SGCZ: variants seen among roughly 807,000 people sequenced by gnomAD.
The protein encoded by SGCZ is zeta-sarcoglycan.
SGCZ carries 40 observed loss-of-function variants against 41.3 expected under a neutral mutation model. The ratio of observed to expected loss-of-function variants is 0.97; its 90% CI spans 0.75 to 1.26. The LOEUF is 1.26. Ranked by LOEUF, SGCZ falls within the 50% of genes most tolerant of loss-of-function variation. SGCZ has a pLI of 0.00. For missense variants in SGCZ, 552 were observed against 369.8 expected, an observed-to-expected ratio of 1.49 and a Z score of -4.04; for synonymous variants, 206 against 137.5, an observed-to-expected ratio of 1.50 and a Z score of -3.49.
intron 1 of SGCZ, among the ~76,000 whole-genome samples, chr8:14,842,326 T>G (rs981646427): frequency 1.3e-5 from 2 of 148,578 alleles, no homozygotes; most frequent in African/African-American, 2.5e-5. Context: ...CAAGCAAATG[T>G]CATAGGCAGG....
chr8:15,006,844 G>T (rs1430681480), intron 1 of SGCZ, among the ~76,000 whole-genome samples: 1 of 152,118 alleles, frequency 6.6e-6, no homozygotes, highest in Non-Finnish European at 1.5e-5. Context: ...ATACTATCAG[G>T]GGATTTTAAA....
intron 5 of SGCZ, among the ~76,000 whole-genome samples, chr8:14,115,320 C>A (rs1802490172): frequency 6.6e-6 from 1 of 151,832 alleles, no homozygotes; most frequent in Non-Finnish European, 1.5e-5. Context: ...TAAAAGGCAG[C>A]AATATTTGAT....
At chr8:14,793,493 G>A (rs537579614) in intron 1 of SGCZ, among the ~76,000 whole-genome samples, 7 of 152,254 alleles carry the variant, frequency 4.6e-5, no homozygotes, top group African/African-American at 1.4e-4. Context: ...AAAATGAGAG[G>A]AGACATAGCA....
intron 2 of SGCZ, among the ~76,000 whole-genome samples, chr8:14,347,597 A>G (rs1391317001): frequency 6.7e-6 from 1 of 149,686 alleles, no homozygotes; most frequent in African/African-American, 2.5e-5. Flanking sequence ...ATCTACATAT[A>G]CTTTATAAAA....
intron 1 of SGCZ, among the ~76,000 whole-genome samples, chr8:14,634,810 A>C (rs1806774961): frequency 6.6e-6 from 1 of 151,924 alleles, no homozygotes; most frequent in Admixed American, 6.6e-5. Context: ...TTTCCAGATA[A>C]TTCAGAAAGG....
intron 3 of SGCZ, among the ~76,000 whole-genome samples, chr8:14,297,938 A>G (rs1347024064): frequency 6.6e-6 from 1 of 152,100 alleles, no homozygotes; most frequent in East Asian, 1.9e-4. Flanking sequence ...AAGTCTTACA[A>G]TAAAATGAAG....
intron 1 of SGCZ, among the ~76,000 whole-genome samples, chr8:15,078,878 A>G (rs1805642243): frequency 6.6e-6 from 1 of 152,002 alleles, no homozygotes; most frequent in South Asian, 2.1e-4. Context: ...CTTTCTCTTC[A>G]GTTTCTCTAC....
intron 3 of SGCZ, among the ~76,000 whole-genome samples, chr8:14,314,619 G>C (rs971190899): frequency 8.5e-5 from 13 of 152,064 alleles, no homozygotes; most frequent in Non-Finnish European, 1.6e-4. Flanking sequence ...ATGTTAAAAA[G>C]AATTTGAACT....
intron 3 of SGCZ, among the ~76,000 whole-genome samples, chr8:14,279,606 C>T (rs1000589168): frequency 2.4e-4 from 37 of 152,066 alleles, no homozygotes; most frequent in African/African-American, 7.7e-4. Flanking sequence ...ACCAAGAATC[C>T]ATGACTGTAA....
chr8:14,560,318 C>A (rs1563411256), intron 1 of SGCZ, among the ~76,000 whole-genome samples: 1 of 138,376 alleles, frequency 7.2e-6, no homozygotes, highest in Non-Finnish European at 1.6e-5. Flanking sequence ...ACTACATCTA[C>A]CCCAAAATAT....
intron 1 of SGCZ, among the ~76,000 whole-genome samples, chr8:15,128,144 G>A (rs1240200541): frequency 6.6e-6 from 1 of 152,000 alleles, no homozygotes; most frequent in African/African-American, 2.4e-5. Flanking sequence ...TTCCACAAGA[G>A]CTGGACCACA....
At chr8:15,107,131 G>A (rs1806859249) in intron 1 of SGCZ, among the ~76,000 whole-genome samples, 3 of 151,964 alleles carry the variant, frequency 2.0e-5, no homozygotes, top group Middle Eastern at 3.4e-3. Context: ...TACTTTATAG[G>A]GATTCATAAT....
At chr8:14,957,342 T>C (rs1029888860) in intron 1 of SGCZ, among the ~76,000 whole-genome samples, 3 of 152,094 alleles carry the variant, frequency 2.0e-5, no homozygotes, top group Admixed American at 1.3e-4. Context: ...AGTAAGTATA[T>C]GTGAAATAGC....
At chr8:14,575,666 G>A (rs1314599995) in intron 1 of SGCZ, among the ~76,000 whole-genome samples, 2 of 152,058 alleles carry the variant, frequency 1.3e-5, no homozygotes, top group Non-Finnish European at 2.9e-5. Flanking sequence ...TGGCACTTTG[G>A]GAGGCTGAGG....
chr8:14,364,724 G>A (rs968567579), intron 2 of SGCZ, among the ~76,000 whole-genome samples: 1 of 151,838 alleles, frequency 6.6e-6, no homozygotes, highest in Admixed American at 6.6e-5. Context: ...TTTCTCATTG[G>A]TTTGCATAAG....
intron 5 of SGCZ, among the ~76,000 whole-genome samples, chr8:14,126,038 C>G (rs79552506): frequency 1.3e-5 from 2 of 152,070 alleles, no homozygotes; most frequent in African/African-American, 4.8e-5. Context: ...AGAAGAAAGG[C>G]TAGGCAATAA....
chr8:14,102,376 C>G lies in SGCZ; in HGVS notation c.744G>C (p.Glu248Asp). 2 of 1,483,030 alleles carry G rather than the reference C, an allele frequency of 1.3e-6. No individual in the cohort carries two copies. Among genetic ancestry groups the G allele is most frequent in the Non-Finnish European group, 1.8e-6 (2 of 1,100,750 alleles). The allele number at this position is 1,483,030 out of a possible 1,614,324, so 91.9% of individuals were successfully genotyped here. A position where few individuals can be genotyped will look rare whatever the true frequency, so the allele number is the denominator to read the frequency against. The change falls in exon 7 of 8, where the codon GAG becomes GAC. Residue 248 changes from glutamate (E) to aspartate (D), a missense_variant and splice_region_variant. Coordinates refer to ENST00000382080, the MANE Select transcript of SGCZ (RefSeq NM_139167.4). The stretch of plus-strand genomic sequence containing the variant: ...GAGGGTCCAACTTTCTGGGACTCAC[C>G]TCCCCTTCTGTAGATTGCAGATGGA... ...KELHLQSTEG[E>D]IFLNAETIKL...
At chr8:14,558,141 C>A (rs542202473) in intron 1 of SGCZ, among the ~76,000 whole-genome samples, 4 of 152,146 alleles carry the variant, frequency 2.6e-5, no homozygotes, top group Non-Finnish European at 4.4e-5. Flanking sequence ...CTGAACAGAC[C>A]AATAACAAGC....
chr8:14,275,979 G>A (rs911260417), intron 3 of SGCZ, among the ~76,000 whole-genome samples: 3 of 152,208 alleles, frequency 2.0e-5, no homozygotes, highest in Admixed American at 6.5e-5. Context: ...GTCAAAAACT[G>A]TTCACAGTGT....
Sources: gnomAD v4.1 joint callset for allele counts (sites outside exome capture counted in the v4.1 genomes callset) on GRCh38, gnomAD v4.1.1 for gene constraint, MANE v1.5 for transcripts, NCBI Gene and HGNC (gene_info 2026-07-23, HGNC 2026-07-21) for gene names.